Variants in C12orf42 observed in about 807,000 individuals in gnomAD.
The protein encoded by C12orf42 is chromosome 12 open reading frame 42, also known as uncharacterized protein C12orf42.
A neutral mutation model predicts 21.6 loss-of-function variants in C12orf42; 25 were observed. The observed-to-expected ratio is 1.16, with a 90% CI of 0.84 to 1.62. The LOEUF (loss-of-function observed/expected upper bound fraction) is 1.62. Ranked by LOEUF, C12orf42 falls within the 40% of genes most tolerant of loss-of-function variation. The probability of loss-of-function intolerance (pLI) is 0.00; values close to 1 mark genes in which losing one functional copy is unlikely to be tolerated. For synonymous variants in C12orf42, 174 were observed against 175.0 expected (o/e 0.99, Z 0.05); for missense variants, 483 against 459.3 (o/e 1.05, Z -0.47).
chr12:103,328,595 T>C (rs2040920650), intron 4 of C12orf42, among the ~76,000 whole-genome samples: 1 of 152,214 alleles, frequency 6.6e-6, no homozygotes, highest in Non-Finnish European at 1.5e-5. Flanking sequence ...CCCCCAAAAC[T>C]CAATCCTTTC....
At chr12:103,300,500 C>T (rs931938932), downstream of C12orf42, among the ~76,000 whole-genome samples, 7 of 152,280 alleles carry the variant, frequency 4.6e-5, no homozygotes, top group Middle Eastern at 3.4e-3. Context: ...ATCTCTCCTT[C>T]TGTTTTGCAT....
At chr12:103,454,022 C>A (rs139760631) in intron 2 of C12orf42, among the ~76,000 whole-genome samples, 1 of 152,102 alleles carries the variant, frequency 6.6e-6, no homozygotes, top group Admixed American at 6.6e-5. Context: ...ATCAACCATG[C>A]ACTCACCTTT....
chr12:103,387,423 C>T (rs1290929888), intron 3 of C12orf42, among the ~76,000 whole-genome samples: 1 of 152,214 alleles, frequency 6.6e-6, no homozygotes, highest in Non-Finnish European at 1.5e-5. Context: ...ACGCTTACTC[C>T]CCTTGGGTTC....
chr12:103,457,408 C>T (rs1952376540), intron 2 of C12orf42, among the ~76,000 whole-genome samples: 1 of 152,130 alleles, frequency 6.6e-6, no homozygotes. Flanking sequence ...AATTGCTAGT[C>T]TGCCCTTCCT....
chr12:103,554,811 T>C, the C12orf42 span, among the ~76,000 whole-genome samples: 2 of 152,140 alleles, frequency 1.3e-5, no homozygotes, highest in African/African-American at 4.8e-5. Flanking sequence ...TACTAAACTG[T>C]TAGAAACCAT....
the C12orf42 span, among the ~76,000 whole-genome samples, chr12:103,226,920 C>T: frequency 6.6e-6 from 1 of 152,136 alleles, no homozygotes; most frequent in Non-Finnish European, 1.5e-5. Flanking sequence ...CGTCAGGCAC[C>T]TCAGACCATT....
the C12orf42 span, among the ~76,000 whole-genome samples, chr12:103,062,813 A>T: frequency 1.3e-5 from 2 of 152,098 alleles, no homozygotes; most frequent in African/African-American, 4.8e-5. Flanking sequence ...TTACATTTCT[A>T]ATAATTTTTT....
chr12:103,530,628 G>GT, the C12orf42 span, among the ~76,000 whole-genome samples: 23 of 151,886 alleles, frequency 1.5e-4, no homozygotes, highest in Middle Eastern at 3.4e-3. Flanking sequence ...CAAGTGTTCG[G>GT]GGGGGGAAAA....
chr12:103,103,271 C>T, the C12orf42 span, among the ~76,000 whole-genome samples: 3 of 152,228 alleles, frequency 2.0e-5, no homozygotes, highest in African/African-American at 7.2e-5. Context: ...CCTCCTCCAA[C>T]CCATCTTCCC....
intron 3 of C12orf42, among the ~76,000 whole-genome samples, chr12:103,382,136 C>T (rs2046232951): frequency 6.6e-6 from 1 of 152,102 alleles, no homozygotes; most frequent in Non-Finnish European, 1.5e-5. Context: ...GGTTATTGTA[C>T]TAGCAAAGTA....
chr12:103,460,362 A>G (rs1443106422), intron 2 of C12orf42, among the ~76,000 whole-genome samples: 3 of 152,102 alleles, frequency 2.0e-5, no homozygotes, highest in African/African-American at 7.2e-5. Flanking sequence ...GGTAATTATC[A>G]CTTCCACACG....
the C12orf42 span, among the ~76,000 whole-genome samples, chr12:103,177,914 C>T: frequency 6.6e-6 from 1 of 151,854 alleles, no homozygotes; most frequent in Admixed American, 6.6e-5. Context: ...AGCCTCACGA[C>T]AACATGTAAA....
the C12orf42 span, among the ~76,000 whole-genome samples, chr12:103,532,954 T>C: frequency 6.6e-6 from 1 of 152,144 alleles, no homozygotes; most frequent in African/African-American, 2.4e-5. Flanking sequence ...CAACGGGGAA[T>C]TGTGTTTCTG....
chr12:103,450,241 G>A (rs1951854116), intron 2 of C12orf42, among the ~76,000 whole-genome samples: 1 of 152,026 alleles, frequency 6.6e-6, no homozygotes, highest in African/African-American at 2.4e-5. Flanking sequence ...CTAGATTTGT[G>A]TTTAGGATTT....
chr12:103,186,537 T>G, the C12orf42 span, among the ~76,000 whole-genome samples: 1 of 152,182 alleles, frequency 6.6e-6, no homozygotes, highest in Admixed American at 6.5e-5. Context: ...GCATAAATCA[T>G]TTGCTCTTGG....
the C12orf42 span, among the ~76,000 whole-genome samples, chr12:103,511,829 C>A: frequency 6.6e-6 from 1 of 152,140 alleles, no homozygotes; most frequent in Non-Finnish European, 1.5e-5. Flanking sequence ...TATGAAATCC[C>A]TAAATATATA....
chr12:103,055,489 T>C, the C12orf42 span, among the ~76,000 whole-genome samples: 1 of 151,966 alleles, frequency 6.6e-6, no homozygotes, highest in South Asian at 2.1e-4. Flanking sequence ...TTTTATTATC[T>C]TCCAAAGAAC....
chr12:103,100,876 C>A, the C12orf42 span, among the ~76,000 whole-genome samples: 1 of 152,078 alleles, frequency 6.6e-6, no homozygotes, highest in Non-Finnish European at 1.5e-5. Flanking sequence ...ATATATAAGG[C>A]AAAGAGGTTT....
At chr12:103,517,867 C>T in the C12orf42 span, among the ~76,000 whole-genome samples, 10 of 151,906 alleles carry the variant, frequency 6.6e-5, no homozygotes, top group Non-Finnish European at 1.0e-4. Flanking sequence ...GAAAGAAAAC[C>T]CACAGAAAAT....
Sources: allele counts gnomAD v4.1 joint callset (sites outside exome capture counted in the v4.1 genomes callset), GRCh38; gene constraint gnomAD v4.1.1; transcripts MANE v1.5; gene names NCBI Gene and HGNC (gene_info 2026-07-23, HGNC 2026-07-21).